The following FBXL17 variants were observed in gnomAD, a reference collection of about 807,000 sequenced individuals.
The protein encoded by FBXL17 is F-box/LRR-repeat protein 17.
FBXL17 carries 22 observed loss-of-function variants against 66.2 expected under a neutral mutation model. The observed-to-expected ratio is 0.33, with a 90% CI of 0.24 to 0.47. The LOEUF (loss-of-function observed/expected upper bound fraction) is 0.47. Ranked by LOEUF, FBXL17 falls within the 20% of genes least tolerant of loss-of-function variation. FBXL17 has a pLI of 1.00. For synonymous variants in FBXL17, 474 were observed against 400.5 expected (o/e 1.18, Z -2.19); for missense variants, 878 against 948.2 (o/e 0.93, Z 0.97).
At chr5:108,202,845 T>G (rs1299862632) in intron 5 of FBXL17, among the ~76,000 whole-genome samples, 2 of 152,206 alleles carry the variant, frequency 1.3e-5, no homozygotes, top group African/African-American at 2.4e-5. Flanking sequence ...TGGGATCTAC[T>G]GGATCCCCTT....
chr5:108,170,930 C>A (rs1752585898), intron 6 of FBXL17, among the ~76,000 whole-genome samples: 2 of 152,136 alleles, frequency 1.3e-5, no homozygotes, highest in African/African-American at 4.8e-5. Flanking sequence ...GGTCTTCTTT[C>A]CCCTCTCAAT....
At chr5:107,990,686 T>A (rs1278069445) in intron 7 of FBXL17, among the ~76,000 whole-genome samples, 2 of 152,194 alleles carry the variant, frequency 1.3e-5, no homozygotes, top group Non-Finnish European at 2.9e-5. Context: ...AAATATTAGT[T>A]ACTATTATGA....
intron 6 of FBXL17, among the ~76,000 whole-genome samples, chr5:108,095,175 G>A (rs1749322367): frequency 6.6e-6 from 1 of 151,706 alleles, no homozygotes; most frequent in Admixed American, 6.6e-5. Flanking sequence ...TTAATGGTAA[G>A]CATTTTCCAT....
At chr5:107,905,026 C>T (rs1011559249) in intron 7 of FBXL17, among the ~76,000 whole-genome samples, 1 of 151,636 alleles carries the variant, frequency 6.6e-6, no homozygotes, top group Non-Finnish European at 1.5e-5. Flanking sequence ...CTTCCTGCTT[C>T]CAACTCAAAC....
At chr5:107,886,665 A>G (rs1748981146) in intron 7 of FBXL17, among the ~76,000 whole-genome samples, 1 of 152,224 alleles carries the variant, frequency 6.6e-6, no homozygotes, top group Admixed American at 6.5e-5. Context: ...CAATCTGAGC[A>G]TCAAAATAAA....
chr5:107,870,075 C>T (rs1327511998), intron 8 of FBXL17, among the ~76,000 whole-genome samples: 4 of 152,078 alleles, frequency 2.6e-5, no homozygotes, highest in African/African-American at 7.2e-5. Context: ...GCAGTTATAT[C>T]GGAGTCTTGG....
chr5:107,913,747 G>C (rs1561527993), intron 7 of FBXL17, among the ~76,000 whole-genome samples: 1 of 152,156 alleles, frequency 6.6e-6, no homozygotes, highest in African/African-American at 2.4e-5. Context: ...CAATATGAAA[G>C]AGATGCTATC....
intron 6 of FBXL17, among the ~76,000 whole-genome samples, chr5:108,117,389 A>G (rs1258426382): frequency 1.3e-5 from 2 of 152,194 alleles, no homozygotes; most frequent in Non-Finnish European, 2.9e-5. Flanking sequence ...GTATAAGCTA[A>G]CTGATTGCTA....
At chr5:107,999,486 A>AC (rs1374270633) in intron 7 of FBXL17, among the ~76,000 whole-genome samples, 42 of 122,094 alleles carry the variant, frequency 3.4e-4, no homozygotes, top group Middle Eastern at 4.4e-3. Flanking sequence ...CACACACACC[A>AC]CACACACACA....
intron 6 of FBXL17, among the ~76,000 whole-genome samples, chr5:108,181,997 G>A (rs931728259): frequency 6.6e-6 from 1 of 152,096 alleles, no homozygotes; most frequent in Admixed American, 6.5e-5. Context: ...AACAAAAGAC[G>A]TTGAAGAGAT....
At chr5:108,378,978 T>C (rs1749644627) in intron 1 of FBXL17, among the ~76,000 whole-genome samples, 1 of 152,230 alleles carries the variant, frequency 6.6e-6, no homozygotes, top group Non-Finnish European at 1.5e-5. Context: ...ATACAAGGAA[T>C]GGAAATCTAC....
chr5:108,159,430 T>C (rs1361319605), intron 6 of FBXL17, among the ~76,000 whole-genome samples: 2 of 152,144 alleles, frequency 1.3e-5, no homozygotes, highest in African/African-American at 4.8e-5. Context: ...GGTGATGGTA[T>C]TGGGAGATGG....
At chr5:108,015,904 G>C (rs1580331428) in intron 7 of FBXL17, among the ~76,000 whole-genome samples, 1 of 151,312 alleles carries the variant, frequency 6.6e-6, no homozygotes, top group South Asian at 2.1e-4. Flanking sequence ...TGCTATTCTT[G>C]TCTGGAAAAC....
At chr5:107,924,655 A>T (rs1206091440) in intron 7 of FBXL17, among the ~76,000 whole-genome samples, 1 of 152,158 alleles carries the variant, frequency 6.6e-6, no homozygotes, top group Non-Finnish European at 1.5e-5. Context: ...TTTATACTCT[A>T]CAGTTCAGCA....
At chr5:108,248,665 C>A (rs1171315154) in intron 4 of FBXL17, among the ~76,000 whole-genome samples, 2 of 152,102 alleles carry the variant, frequency 1.3e-5, no homozygotes, top group African/African-American at 4.8e-5. Context: ...TAACCAAATT[C>A]CTAAAAACGA....
Position 107,945,326 on chromosome 5 carries a change from C to A in FBXL17, c.1823-64147G>T, listed in dbSNP as rs1239369873. On this transcript the variant is annotated intron_variant, in intron 7 of 8. Transcript: ENST00000542267. ...ACCTGATGGTGAGAGTATAAATTAG[C>A]ACAACTTACTTTGGAGAGCAAATTG... Among the ~76,000 whole-genome samples the A allele has an allele frequency of 2.0e-5, 3 of 152,138 alleles. No individual in the cohort carries two copies. The East Asian group carries it at 5.8e-4, about 29-fold the overall frequency.
At position 108,204,416 on chromosome 5, in the gene FBXL17, C is replaced by G. The variant is rs1754026827; in HGVS notation, c.1615-18169G>C. Among the ~76,000 whole-genome samples, 3 of 152,080 alleles carry G rather than the reference C, an allele frequency of 2.0e-5. No homozygotes were observed. The South Asian group carries it at 6.2e-4, about 32-fold the overall frequency. Reference sequence around the variant, plus strand: ...GCCCAGGCTGGTCTTGAACTCCTGGCCTCAAGGAATCCTCTCACCTCAGCA... The same window carrying G: ...GCCCAGGCTGGTCTTGAACTCCTGGGCTCAAGGAATCCTCTCACCTCAGCA... On this transcript the variant is annotated intron_variant, in intron 5 of 8. Coordinates refer to ENST00000542267, the MANE Select transcript of FBXL17 (RefSeq NM_001163315.3).
intron 6 of FBXL17, among the ~76,000 whole-genome samples, chr5:108,125,399 G>C (rs1021400065): frequency 6.6e-6 from 1 of 151,852 alleles, no homozygotes; most frequent in Admixed American, 6.6e-5. Flanking sequence ...AATAAACTTG[G>C]AAGGATTGAA....
chr5:108,252,013 G>A (rs929567713), intron 4 of FBXL17, among the ~76,000 whole-genome samples: 4 of 151,772 alleles, frequency 2.6e-5, no homozygotes, highest in Non-Finnish European at 5.9e-5. Flanking sequence ...ATGTCTCTTT[G>A]AACACATGGA....
Sources: allele counts gnomAD v4.1 joint callset (sites outside exome capture counted in the v4.1 genomes callset), GRCh38; gene constraint gnomAD v4.1.1; transcripts MANE v1.5; gene names NCBI Gene and HGNC (gene_info 2026-07-23, HGNC 2026-07-21).